CNTNAP2: variants seen among roughly 807,000 people sequenced by gnomAD.
CNTNAP2 encodes contactin associated protein 2, also known as contactin-associated protein-like 2.
CNTNAP2 carries 98 observed loss-of-function variants against 155.2 expected under a neutral mutation model. The ratio of observed to expected loss-of-function variants is 0.63; its 90% confidence interval spans 0.54 to 0.75. CNTNAP2 has a LOEUF of 0.75. Among genes scored for constraint, CNTNAP2 ranks in the 30% least tolerant of loss-of-function variants. CNTNAP2 has a pLI of 0.00. For missense variants in CNTNAP2, 1,727 were observed against 1,688.1 expected (o/e 1.02, Z -0.40); for synonymous variants, 651 against 631.2 (o/e 1.03, Z -0.47).
rs1325610298 is a variant in CNTNAP2 at position 146,947,557 on chromosome 7, G to GTA, written c.403-96333_403-96332dup. Among the ~76,000 whole-genome samples the GTA allele has an allele frequency of 6.9e-3, 351 of 50,618 alleles. 2 individuals are homozygous for GTA. The highest frequency in any genetic ancestry group is 0.016 in the Middle Eastern group (1 of 64). 33.2% of individuals were successfully genotyped at this position (50,618 alleles called of 152,430 possible). A position where few individuals can be genotyped will look rare whatever the true frequency, so the allele number is the denominator to read the frequency against. Reference sequence around the variant, plus strand: ...TGTGTGTGTGTATGTGTGTGTGTGTGTATATATATATATATATACATATAT... The same window carrying GTA: ...TGTGTGTGTGTATGTGTGTGTGTGTGTATATATATATATATATATACATATAT... On this transcript the variant is annotated intron_variant, in intron 3 of 23. Coordinates refer to ENST00000361727, the MANE Select transcript of CNTNAP2 (RefSeq NM_014141.6).
chr7:147,003,263 G>A (rs1200677192), intron 3 of CNTNAP2, among the ~76,000 whole-genome samples: 1 of 151,840 alleles, frequency 6.6e-6, no homozygotes, highest in Non-Finnish European at 1.5e-5. Flanking sequence ...ATTGCAAGTA[G>A]ATTACATTAT....
intron 13 of CNTNAP2, among the ~76,000 whole-genome samples, chr7:147,757,142 C>G (rs1306443075): frequency 6.6e-6 from 1 of 152,156 alleles, no homozygotes. Context: ...CCTCTTGCCC[C>G]CTGCAAACTG....
At chr7:146,761,993 T>A (rs1802110362) in intron 1 of CNTNAP2, among the ~76,000 whole-genome samples, 1 of 152,152 alleles carries the variant, frequency 6.6e-6, no homozygotes, top group African/African-American at 2.4e-5. Context: ...AATGCCAGAT[T>A]AACAGAAATT....
intron 1 of CNTNAP2, among the ~76,000 whole-genome samples, chr7:146,639,142 A>T (rs569911329): frequency 6.6e-6 from 1 of 152,212 alleles, no homozygotes; most frequent in African/African-American, 2.4e-5. Flanking sequence ...GGTGCCAATT[A>T]TGTGATTCCA....
At chr7:147,798,429 G>T (rs1365343368) in intron 13 of CNTNAP2, among the ~76,000 whole-genome samples, 1 of 152,178 alleles carries the variant, frequency 6.6e-6, no homozygotes, top group African/African-American at 2.4e-5. Context: ...AAGCTGTTCA[G>T]AGGTAAGTTT....
intron 13 of CNTNAP2, among the ~76,000 whole-genome samples, chr7:147,863,241 C>T (rs1799167099): frequency 1.3e-5 from 2 of 152,076 alleles, no homozygotes; most frequent in Non-Finnish European, 2.9e-5. Context: ...TCTCCACGGC[C>T]CTGCAAAGAA....
chr7:146,740,777 G>T (rs1801698375), intron 1 of CNTNAP2, among the ~76,000 whole-genome samples: 1 of 152,120 alleles, frequency 6.6e-6, no homozygotes, highest in Admixed American at 6.5e-5. Context: ...AGCAGGCTAG[G>T]TGTTGTGTTT....
intron 1 of CNTNAP2, among the ~76,000 whole-genome samples, chr7:146,490,362 A>C (rs1040121539): frequency 1.1e-4 from 17 of 152,238 alleles, no homozygotes; most frequent in African/African-American, 4.1e-4. Flanking sequence ...AAGATAAATT[A>C]GAAAAATGTA....
At chr7:146,172,991 T>C (rs193165521) in intron 1 of CNTNAP2, among the ~76,000 whole-genome samples, 1 of 152,270 alleles carries the variant, frequency 6.6e-6, no homozygotes, top group Non-Finnish European at 1.5e-5. Context: ...TTTTTTCTAA[T>C]AAAATTGTTT....
chr7:146,832,925 A>G, intron 2 of CNTNAP2, among the ~76,000 whole-genome samples: 1 of 151,770 alleles, frequency 6.6e-6, no homozygotes, highest in Non-Finnish European at 1.5e-5. Flanking sequence ...CGAACTCTTG[A>G]CCTCAAGTGA....
At chr7:146,710,636 A>G (rs1157912933) in intron 1 of CNTNAP2, among the ~76,000 whole-genome samples, 3 of 152,028 alleles carry the variant, frequency 2.0e-5, no homozygotes, top group African/African-American at 7.2e-5. Flanking sequence ...CTTCCTCACC[A>G]CTAATGCACT....
chr7:146,503,428 T>A (rs1797336235), intron 1 of CNTNAP2, among the ~76,000 whole-genome samples: 1 of 152,202 alleles, frequency 6.6e-6, no homozygotes, highest in Admixed American at 6.5e-5. Flanking sequence ...TAAGTGTTAG[T>A]GTATTCAATG....
chr7:146,291,353 T>G (rs1380863314), intron 1 of CNTNAP2, among the ~76,000 whole-genome samples: 1 of 152,154 alleles, frequency 6.6e-6, no homozygotes, highest in Non-Finnish European at 1.5e-5. Context: ...TATAAATGAT[T>G]GAAAGAATAA....
intron 13 of CNTNAP2, among the ~76,000 whole-genome samples, chr7:147,757,051 T>C (rs567429966): frequency 6.6e-6 from 1 of 152,274 alleles, no homozygotes; most frequent in Admixed American, 6.5e-5. Context: ...AATGTTAACT[T>C]TGAGACCGAT....
At chr7:146,993,586 G>A (rs1325540438) in intron 3 of CNTNAP2, among the ~76,000 whole-genome samples, 1 of 152,044 alleles carries the variant, frequency 6.6e-6, no homozygotes, top group African/African-American at 2.4e-5. Flanking sequence ...TCACCTGATG[G>A]TGGCCCGACA....
At chr7:148,386,745 G>A (rs1308378751) in intron 22 of CNTNAP2, among the ~76,000 whole-genome samples, 1 of 152,080 alleles carries the variant, frequency 6.6e-6, no homozygotes, top group Non-Finnish European at 1.5e-5. Context: ...AGTACCTGGG[G>A]GCCTGCAAAT....
chr7:147,670,801 A>G (rs1795774525), intron 13 of CNTNAP2, among the ~76,000 whole-genome samples: 1 of 152,312 alleles, frequency 6.6e-6, no homozygotes, highest in South Asian at 2.1e-4. Flanking sequence ...AAGAGCCTGG[A>G]TACCACTAGT....
At chr7:146,701,005 A>C (rs936875866) in intron 1 of CNTNAP2, among the ~76,000 whole-genome samples, 1 of 151,850 alleles carries the variant, frequency 6.6e-6, no homozygotes, top group Non-Finnish European at 1.5e-5. Context: ...TTTAGGTTCT[A>C]TTTAATATTA....
At chr7:147,535,970 C>A (rs867480756) in intron 11 of CNTNAP2, among the ~76,000 whole-genome samples, 13 of 152,250 alleles carry the variant, frequency 8.5e-5, no homozygotes, top group African/African-American at 2.6e-4. Context: ...ATAGCATTTC[C>A]CAACAAGGAG....
Sources: allele counts gnomAD v4.1 joint callset (sites outside exome capture counted in the v4.1 genomes callset), GRCh38; gene constraint gnomAD v4.1.1; transcripts MANE v1.5; gene names NCBI Gene and HGNC (gene_info 2026-07-23, HGNC 2026-07-21).